Variants in EIF4G3 observed in about 807,000 individuals in gnomAD.
The protein encoded by EIF4G3 is eukaryotic translation initiation factor 4 gamma 3.
In EIF4G3, 34 loss-of-function variants were observed where a neutral mutation model predicts 186.4. That is an observed-to-expected ratio of 0.18 (90% CI 0.14 to 0.24). The LOEUF is 0.24. Among genes scored for constraint, EIF4G3 ranks in the 10% least tolerant of loss-of-function variants. EIF4G3 has a pLI of 1.00. For missense variants in EIF4G3, 1,536 were observed against 1,948.5 expected, an observed-to-expected ratio of 0.79 and a Z score of 3.99; for synonymous variants, 673 against 679.5, an observed-to-expected ratio of 0.99 and a Z score of 0.15.
intron 14 of EIF4G3, among the ~76,000 whole-genome samples, chr1:20,905,932 G>A (rs1006406584): frequency 2.0e-5 from 3 of 152,114 alleles, no homozygotes; most frequent in African/African-American, 7.2e-5. Flanking sequence ...GAGACTCTGG[G>A]ACAGTCTCAT....
intron 2 of EIF4G3, among the ~76,000 whole-genome samples, chr1:21,117,736 T>TAAAAAAAACAAAAAAAAAAAAAAAAAAA (rs2096850346): frequency 1.4e-5 from 1 of 73,088 alleles, no homozygotes; most frequent in Non-Finnish European, 2.6e-5. Context: ...CAGTATATAG[T>TAAAAAAAACAAAAAAAAAAAAAAAAAAA]AAAAAAAAAA....
intron 14 of EIF4G3, among the ~76,000 whole-genome samples, chr1:20,933,894 A>G (rs2095427054): frequency 1.3e-5 from 2 of 152,206 alleles, no homozygotes; most frequent in African/African-American, 4.8e-5. Context: ...TTGGAAATTT[A>G]AGATTGAAGT....
rs79278826 is a variant in EIF4G3 at position 21,013,858 on chromosome 1, T to C, written c.-66-11050A>G. Among the ~76,000 whole-genome samples the C allele has an allele frequency of 5.3e-3, 810 of 152,288 alleles. 12 individuals are homozygous for C. Among genetic ancestry groups the C allele is most frequent in the East Asian group, 0.024 (124 of 5,176 alleles). On this transcript the variant is annotated intron_variant, in intron 4 of 36. Coordinates refer to ENST00000602326, the MANE Select transcript of EIF4G3 (RefSeq NM_001391906.1). ...ACAGCTGGCTATTTAAGTGCTCGAC[T>C]TTGAACAAATATCATAAAGTATAGA...
intron 29 of EIF4G3, among the ~76,000 whole-genome samples, chr1:20,848,948 G>A (rs987635851): frequency 6.7e-6 from 1 of 148,418 alleles, no homozygotes; most frequent in Admixed American, 6.8e-5. Flanking sequence ...TTAGGAGGAT[G>A]AGGTAGGAGA....
At chr1:20,866,193 G>A (rs1282750730) in intron 20 of EIF4G3, among the ~76,000 whole-genome samples, 1 of 152,132 alleles carries the variant, frequency 6.6e-6, no homozygotes. Context: ...TGGGTACACT[G>A]CATCCATACT....
intron 4 of EIF4G3, among the ~76,000 whole-genome samples, chr1:21,045,626 T>C (rs541435738): frequency 7.6e-4 from 116 of 152,284 alleles, no homozygotes; most frequent in African/African-American, 2.5e-3. Flanking sequence ...AAAAAAGACC[T>C]AGATTTTGAT....
In EIF4G3 at chr1:20,893,518, G is replaced by T; in HGVS notation, c.2252C>A (p.Pro751His). The T allele has an allele frequency of 6.3e-7, 1 of 1,598,256 alleles. No homozygotes were observed. Among genetic ancestry groups the T allele is most frequent in the South Asian group, 1.1e-5 (1 of 89,664 alleles). The change falls in exon 18 of 37, where the codon CCT becomes CAT. Residue 751 changes from proline (P) to histidine (H), a missense_variant and splice_region_variant. Transcript: ENST00000602326. ...GRQTPGGRGV[P>H]LLNVGSRRSQ... The stretch of plus-strand genomic sequence containing the variant: ...GAGTTGTAGGGAACTTGCACTTACA[G>T]GTACGCCTCTTCCACCAGGTGTCTG...
chr1:20,919,278 G>A (rs1269461114), intron 14 of EIF4G3, among the ~76,000 whole-genome samples: 3 of 152,030 alleles, frequency 2.0e-5, no homozygotes, highest in Non-Finnish European at 2.9e-5. Flanking sequence ...GCTCAATCAC[G>A]GCAGACTGCA....
At chr1:20,981,566 GTA>G (rs2154566636) in intron 8 of EIF4G3, among the ~76,000 whole-genome samples, 1 of 129,256 alleles carries the variant, frequency 7.7e-6, no homozygotes, top group Admixed American at 7.7e-5. Context: ...ATACATACAT[GTA>G]TACGCACATA....
intron 13 of EIF4G3, among the ~76,000 whole-genome samples, chr1:20,944,440 A>G (rs2095855733): frequency 6.6e-6 from 1 of 151,566 alleles, no homozygotes; most frequent in Non-Finnish European, 1.5e-5. Context: ...GTTTGAGCCC[A>G]GGAGGTCGAG....
chr1:21,091,487 C>G lies in EIF4G3; in HGVS notation c.-271-2274G>C, dbSNP rs145969197. Among the ~76,000 whole-genome samples, 475 of 152,194 alleles carry G rather than the reference C, an allele frequency of 3.1e-3. 3 individuals carry two copies. Among genetic ancestry groups the G allele is most frequent in the African/African-American group, 0.011 (459 of 41,546 alleles). On this transcript the variant is annotated intron_variant, in intron 2 of 36. Transcript: ENST00000602326. Reference sequence around the variant, plus strand: ...TAGCTACAGTCTTTTAACATTACTTCTGAACCACACGAATATGTTTTTCAA... The same window carrying G: ...TAGCTACAGTCTTTTAACATTACTTGTGAACCACACGAATATGTTTTTCAA...
intron 2 of EIF4G3, among the ~76,000 whole-genome samples, chr1:21,116,655 T>C (rs867036159): frequency 8.6e-5 from 13 of 151,636 alleles, no homozygotes; most frequent in Non-Finnish European, 8.8e-5. Flanking sequence ...CTGACAAACA[T>C]AGTGGAAACC....
intron 2 of EIF4G3, among the ~76,000 whole-genome samples, chr1:21,139,069 A>G (rs918379384): frequency 6.6e-6 from 1 of 152,094 alleles, no homozygotes; most frequent in Non-Finnish European, 1.5e-5. Flanking sequence ...ACTTTGACCA[A>G]TTAGATAACT....
intron 20 of EIF4G3, among the ~76,000 whole-genome samples, chr1:20,870,187 G>A (rs1041966562): frequency 1.3e-5 from 2 of 151,632 alleles, no homozygotes; most frequent in African/African-American, 4.8e-5. Flanking sequence ...CTGCAATTCC[G>A]GGCTTTATTT....
At position 20,895,909 on chromosome 1, in the gene EIF4G3, G is replaced by T. The variant is rs140617272; in HGVS notation, c.2000-408C>A. 6.6e-5 allele frequency among the ~76,000 whole-genome samples: 10 copies of T among 151,922 alleles called. No homozygotes were observed. In the East Asian group the frequency reaches 1.8e-3, roughly 27 times the overall value. On this transcript the variant is annotated intron_variant, in intron 16 of 36. Transcript: ENST00000602326. ...ATTAAAAAAAGTTAACTGTAAAACA[G>T]CCTCAAGCAAGTCCTTCAGGAATTA... is the stretch of plus-strand genomic sequence containing the variant.
chr1:20,865,576 CTG>C (rs932312803), intron 20 of EIF4G3, among the ~76,000 whole-genome samples: 1 of 149,384 alleles, frequency 6.7e-6, no homozygotes, highest in Admixed American at 6.7e-5. Context: ...AAAAAAAAAA[CTG>C]TGTAGAGTTA....
intron 20 of EIF4G3, among the ~76,000 whole-genome samples, chr1:20,867,550 G>A (rs2077850200): frequency 6.6e-6 from 1 of 152,172 alleles, no homozygotes; most frequent in African/African-American, 2.4e-5. Flanking sequence ...TCTCTTAGGA[G>A]GTGTTATTGG....
At chr1:20,975,013 T>G (rs2076573770) in intron 10 of EIF4G3, among the ~76,000 whole-genome samples, 2 of 152,118 alleles carry the variant, frequency 1.3e-5, no homozygotes, top group African/African-American at 4.8e-5. Flanking sequence ...ACTTTTCAAG[T>G]GTAAAGTTGT....
Position 21,096,856 on chromosome 1 carries a change from A to C in EIF4G3, c.-271-7643T>G, listed in dbSNP as rs561575917. Among the ~76,000 whole-genome samples the C allele has an allele frequency of 2.5e-4, 38 of 152,362 alleles. No individual in the cohort carries two copies. In the East Asian group the frequency reaches 2.5e-3, roughly 10 times the overall value. On this transcript the variant is annotated intron_variant, in intron 2 of 36. Transcript: ENST00000602326. ...AAGGCCTTGATTGACCTGAAATGCT[A>C]GAGCATTGTTAAAATGTAATTTCAA...
Sources: gnomAD v4.1 joint callset for allele counts (sites outside exome capture counted in the v4.1 genomes callset) on GRCh38, gnomAD v4.1.1 for gene constraint, MANE v1.5 for transcripts, NCBI Gene and HGNC (gene_info 2026-07-23, HGNC 2026-07-21) for gene names.